Variants in MYOM2 observed in about 807,000 individuals in gnomAD.
The protein encoded by MYOM2 is myomesin 2.
A neutral mutation model predicts 187.6 loss-of-function variants in MYOM2; 254 were observed. The ratio of observed to expected loss-of-function variants is 1.35; its 90% CI spans 1.22 to 1.50. The LOEUF is 1.50. Ranked by LOEUF, MYOM2 falls within the 40% of genes most tolerant of loss-of-function variation. The pLI is 0.00. For missense variants in MYOM2, 2,796 were observed against 1,924.0 expected, an observed-to-expected ratio of 1.45 and a Z score of -8.48; for synonymous variants, 981 against 753.8, an observed-to-expected ratio of 1.30 and a Z score of -4.94.
chr8:2,046,744 CTTTTTTCTTT>C (rs1563408094), intron 1 of MYOM2, among the ~76,000 whole-genome samples: 1 of 90,174 alleles, frequency 1.1e-5, no homozygotes, highest in African/African-American at 3.1e-5. Flanking sequence ...CTCTCTCTTT[CTTTTTTCTTT>C]TTTTTTTTTT....
At chr8:2,136,640 C>T (rs1041598399) in intron 32 of MYOM2, among the ~76,000 whole-genome samples, 2 of 145,814 alleles carry the variant, frequency 1.4e-5, no homozygotes, top group East Asian at 4.2e-4. Flanking sequence ...CAGTGGGGCC[C>T]TTATCTCCAC....
chr8:2,113,052 C>G (rs772852348), intron 25 of MYOM2, among the ~76,000 whole-genome samples: 1 of 152,182 alleles, frequency 6.6e-6, no homozygotes, highest in Non-Finnish European at 1.5e-5. Context: ...CAGCTGAGAT[C>G]GATCCGACAG....
At chr8:2,086,488 T>TGGCCTCCCACTGTCGTGATCTCCGC (rs1796073499) in intron 14 of MYOM2, among the ~76,000 whole-genome samples, 4 of 61,024 alleles carry the variant, frequency 6.6e-5, no homozygotes, top group Non-Finnish European at 1.1e-4. Context: ...ATGATCTCTG[T>TGGCCTCCCACTGTCGTGATCTCCGC]GTGGCCCCCC....
At chr8:2,124,061 A>G (rs1180725263) in intron 30 of MYOM2, 118 bp from the exon 31 acceptor site, 4 of 996,472 alleles carry the variant, frequency 4.0e-6, no homozygotes, top group African/African-American at 3.2e-5. Context: ...TGCCATTTTA[A>G]TGATTCATTT....
chr8:2,077,656 A>G (rs919842518), intron 11 of MYOM2, among the ~76,000 whole-genome samples: 7 of 152,168 alleles, frequency 4.6e-5, no homozygotes, highest in Non-Finnish European at 1.5e-5. Flanking sequence ...TTCTCCTGGG[A>G]CAGCTGATAA....
chr8:2,059,073 C>A (rs548056426), intron 5 of MYOM2, 80 bp from the exon 6 acceptor site: 10 of 1,175,134 alleles, frequency 8.5e-6, no homozygotes, highest in African/African-American at 3.0e-5. Flanking sequence ...GGGCAGCAGG[C>A]GCGGGGGAGC....
In MYOM2 at chr8:2,140,884, A is replaced by G; in HGVS notation, c.3962A>G (p.Gln1321Arg). The G allele has an allele frequency of 6.2e-7, 1 of 1,601,944 alleles. No homozygotes were observed. Among genetic ancestry groups the G allele is most frequent in the East Asian group, 2.2e-5 (1 of 44,700 alleles). ...CAACGCTCCCTTGACCTGTCCGGACAAGGTAAGAGAATTCTTCTTTAGCAT... is the reference window on the plus strand; with the variant it reads ...CAACGCTCCCTTGACCTGTCCGGACGAGGTAAGAGAATTCTTCTTTAGCAT... ...NHQRSLDLSGQAFDEAFAEFQ... is the reference protein window; with the variant it reads ...NHQRSLDLSGRAFDEAFAEFQ... The change falls in exon 33 of 37, where the codon CAA becomes CGA. Residue 1321 changes from glutamine to arginine, a missense_variant and splice_region_variant. Gln to Arg is a conservative substitution (Grantham distance 43). Transcript: ENST00000262113.
intron 8 of MYOM2, among the ~76,000 whole-genome samples, chr8:2,071,703 G>A (rs1247433890): frequency 1.3e-5 from 2 of 152,194 alleles, no homozygotes; most frequent in Non-Finnish European, 2.9e-5. Flanking sequence ...CCGGCTGCTG[G>A]AACAACACGC....
At position 2,145,010 on chromosome 8, in the gene MYOM2, A is replaced by C; in HGVS notation, c.*29A>C. 6.2e-7 allele frequency: 1 copy of C among 1,608,706 alleles called. No homozygotes were observed. The highest frequency in any genetic ancestry group is 1.1e-5 in the South Asian group (1 of 90,700). Reference sequence around the variant, plus strand: ...CGTTTTCCTAGCCTGGAGATGGGAAAATATGCTTGGCAGAGACAGGAATGC... The same window carrying C: ...CGTTTTCCTAGCCTGGAGATGGGAACATATGCTTGGCAGAGACAGGAATGC... On this transcript the variant is annotated 3_prime_UTR_variant, in exon 37 of 37. Transcript: ENST00000262113.
chr8:2,103,794 A>T (rs1252938494), intron 21 of MYOM2, among the ~76,000 whole-genome samples: 4 of 151,726 alleles, frequency 2.6e-5, no homozygotes, highest in Non-Finnish European at 5.9e-5. Flanking sequence ...ATGTGTATGT[A>T]TGTATAGGTA....
intron 32 of MYOM2, among the ~76,000 whole-genome samples, chr8:2,130,284 A>C (rs1470297901): frequency 1.4e-5 from 2 of 139,892 alleles, no homozygotes; most frequent in African/African-American, 5.9e-5. Context: ...CCCTATACCC[A>C]GGGCGCCCAC....
At position 2,145,130 on chromosome 8, in the gene MYOM2, G is replaced by A. The variant is rs1399232917; in HGVS notation, c.*149G>A. ...ATTGTGCTTTTGATTTTTGCATTTG[G>A]TGATGAATATTTTATACCCGTCTAA... On this transcript the variant is annotated 3_prime_UTR_variant, in exon 37 of 37. Coordinates refer to ENST00000262113, the MANE Select transcript of MYOM2 (RefSeq NM_003970.4). 2 of 838,034 alleles carry A rather than the reference G, an allele frequency of 2.4e-6. No individual in the cohort carries two copies. Among genetic ancestry groups the A allele is most frequent in the Non-Finnish European group, 3.7e-6 (2 of 542,422 alleles). The allele number at this position is 838,034 out of a possible 1,614,324, so 51.9% of individuals were successfully genotyped here.
In MYOM2 at chr8:2,109,469, C is replaced by G; in HGVS notation, c.3118C>G (p.His1040Asp). The change falls in exon 25 of 37, where the codon CAC becomes GAC. Residue 1040 changes from histidine to aspartate, a missense_variant. His to Asp is a moderately conservative substitution (Grantham distance 81). Transcript: ENST00000262113. Reference sequence around the variant, plus strand: ...GGTTCGCTTCTGGCTCCAGGCTGAGCACTTATCACCAGATGCCAGCTACCG... The same window carrying G: ...GGTTCGCTTCTGGCTCCAGGCTGAGGACTTATCACCAGATGCCAGCTACCG... The part of the protein sequence containing the change: ...GRVRFWLQAE[H>D]LSPDASYRFI... The G allele has an allele frequency of 6.2e-7, 1 of 1,613,330 alleles. No individual in the cohort carries two copies. Among genetic ancestry groups the G allele is most frequent in the Non-Finnish European group, 8.5e-7 (1 of 1,179,640 alleles).
At chr8:2,124,688 T>C (rs191671048) in intron 31 of MYOM2, among the ~76,000 whole-genome samples, 10 of 152,336 alleles carry the variant, frequency 6.6e-5, no homozygotes, top group Non-Finnish European at 1.2e-4. Flanking sequence ...CTCTTTTCTA[T>C]AGTGGCTATA....
At chr8:2,055,668 C>G (rs1818639351) in intron 3 of MYOM2, among the ~76,000 whole-genome samples, 1 of 152,196 alleles carries the variant, frequency 6.6e-6, no homozygotes, top group Non-Finnish European at 1.5e-5. Flanking sequence ...TCCCAAATGC[C>G]TAACACCAGG....
chr8:2,109,770 A>T (rs1040310338), intron 25 of MYOM2, among the ~76,000 whole-genome samples: 3 of 152,228 alleles, frequency 2.0e-5, no homozygotes, highest in African/African-American at 7.2e-5. Context: ...GGAATTAAAA[A>T]TGACTTTGAG....
intron 6 of MYOM2, 118 bp from the exon 7 acceptor site, chr8:2,069,160 T>A: frequency 2.2e-6 from 2 of 930,028 alleles, no homozygotes; most frequent in Non-Finnish European, 3.2e-6. Context: ...CACAAATCAC[T>A]CATGAACAAA....
chr8:2,061,581 G>A (rs866345807), intron 6 of MYOM2, among the ~76,000 whole-genome samples: 2 of 152,022 alleles, frequency 1.3e-5, no homozygotes, highest in African/African-American at 4.8e-5. Context: ...GCCCCTCCCC[G>A]AGTCAGGGGG....
In MYOM2 at chr8:2,052,279, A is replaced by G. The variant is rs753747571; in HGVS notation, c.229A>G (p.Thr77Ala). The change falls in exon 3 of 37, where the codon ACG becomes GCG. Residue 77 changes from threonine to alanine, a missense_variant. Thr to Ala is a moderately conservative substitution (Grantham distance 58). Coordinates refer to ENST00000262113, the MANE Select transcript of MYOM2 (RefSeq NM_003970.4). ...ICRVCAKRVS[T>A]QEDEEQENRS... ...CAGGGTCTGTGCGAAGCGAGTGAGCACGCAGGAAGATGAGGAGCAGGAGAA... is the reference window on the plus strand; with the variant it reads ...CAGGGTCTGTGCGAAGCGAGTGAGCGCGCAGGAAGATGAGGAGCAGGAGAA... 7 of 1,607,928 alleles carry G rather than the reference A, an allele frequency of 4.4e-6. No homozygotes were observed. In the African/African-American group the frequency reaches 9.4e-5, roughly 22 times the overall value.
Sources: gnomAD v4.1 joint callset for allele counts (sites outside exome capture counted in the v4.1 genomes callset) on GRCh38, gnomAD v4.1.1 for gene constraint, MANE v1.5 for transcripts, NCBI Gene and HGNC (gene_info 2026-07-23, HGNC 2026-07-21) for gene names.